Variants in LANCL2 observed in about 807,000 individuals in gnomAD.
LANCL2 encodes the protein LanC like glutathione S-transferase 2, also known as lanC-like protein 2.
A neutral mutation model predicts 56.9 loss-of-function variants in LANCL2; 33 were observed. The ratio of observed to expected loss-of-function variants is 0.58; its 90% CI spans 0.44 to 0.78. LANCL2 has a LOEUF of 0.78. LANCL2 is among the 30% of genes least tolerant of loss of function. LANCL2 has a pLI of 0.00. For missense variants in LANCL2, 562 were observed against 580.2 expected, an observed-to-expected ratio of 0.97 and a Z score of 0.32; for synonymous variants, 233 against 228.2, an observed-to-expected ratio of 1.02 and a Z score of -0.19.
At chr7:55,419,400 C>CTTTTT (rs1156534780) in intron 6 of LANCL2, among the ~76,000 whole-genome samples, 1 of 109,098 alleles carries the variant, frequency 9.2e-6, no homozygotes, top group Non-Finnish European at 1.9e-5. Flanking sequence ...TGTTCTTTTC[C>CTTTTT]TTTTTTTTTT....
chr7:55,412,423 G>A (rs1275174929), intron 6 of LANCL2, among the ~76,000 whole-genome samples: 1 of 152,158 alleles, frequency 6.6e-6, no homozygotes, highest in Non-Finnish European at 1.5e-5. Flanking sequence ...TAACCAAAGT[G>A]CTTTTTTGTT....
At chr7:55,417,837 C>T (rs754808949) in intron 6 of LANCL2, among the ~76,000 whole-genome samples, 4 of 152,088 alleles carry the variant, frequency 2.6e-5, no homozygotes, top group Non-Finnish European at 5.9e-5. Flanking sequence ...CACCACCATA[C>T]CCGGCTAGTT....
chr7:55,408,856 C>T (rs1167594555), intron 5 of LANCL2, among the ~76,000 whole-genome samples: 2 of 150,698 alleles, frequency 1.3e-5, no homozygotes. Flanking sequence ...GTGGCATGCG[C>T]CTGTAGTCCC....
rs1225988686 is a variant in LANCL2, at chr7:55,388,624, C to G, written c.205-3169C>G. Among the ~76,000 whole-genome samples, 3 of 152,198 alleles carry G rather than the reference C, an allele frequency of 2.0e-5. No individual in the cohort carries two copies. In the East Asian group the frequency reaches 5.8e-4, roughly 29 times the overall value. ...AGCCATTGCAAGGTGCAGGGCCAGT[C>G]CCTTTACTACTTTCCTTTATCCTTT... On this transcript the variant is annotated intron_variant, in intron 1 of 8. Coordinates refer to ENST00000254770, the MANE Select transcript of LANCL2 (RefSeq NM_018697.4).
chr7:55,399,609 C>T (rs1406637926), intron 3 of LANCL2, among the ~76,000 whole-genome samples: 1 of 152,158 alleles, frequency 6.6e-6, no homozygotes, highest in Non-Finnish European at 1.5e-5. Flanking sequence ...TCCCAAAGTG[C>T]TGGGATTATA....
Position 55,365,876 on chromosome 7 carries a change from C to T in LANCL2, c.-150C>T, listed in dbSNP as rs71547927. On this transcript the variant is annotated 5_prime_UTR_variant, in exon 1 of 9. Coordinates refer to ENST00000254770, the MANE Select transcript of LANCL2 (RefSeq NM_018697.4). The stretch of plus-strand genomic sequence containing the variant: ...GCAGCCCGCGACGAGGCAGTGCACG[C>T]TCAGACGCCCCGCTCCTCCCGCCAG... The T allele has an allele frequency of 3.6e-6, 2 of 554,112 alleles. No individual in the cohort carries two copies. Among genetic ancestry groups the T allele is most frequent in the South Asian group, 2.8e-5 (1 of 35,782 alleles). The allele number at this position is 554,112 out of a possible 1,614,324, so 34.3% of individuals were successfully genotyped here.
At position 55,365,955 on chromosome 7, in the gene LANCL2, G is replaced by A. The variant is rs1448339221; in HGVS notation, c.-71G>A. The A allele has an allele frequency of 3.3e-6, 4 of 1,228,642 alleles. No individual in the cohort carries two copies. In the East Asian group the frequency reaches 9.4e-5, roughly 29 times the overall value. 76.1% of individuals were successfully genotyped at this position (1,228,642 alleles called of 1,614,324 possible). A position where few individuals can be genotyped will look rare whatever the true frequency, so the allele number is the denominator to read the frequency against. On this transcript the variant is annotated 5_prime_UTR_variant, in exon 1 of 9. Coordinates refer to ENST00000254770, the MANE Select transcript of LANCL2 (RefSeq NM_018697.4). ...CTCTCTGCGCGGGCCCTCGGAGGAG[G>A]CGGCGGCGGGGCGAGCTGCAGCGCC...
chr7:55,388,225 G>A (rs1371333500), intron 1 of LANCL2, among the ~76,000 whole-genome samples: 1 of 152,118 alleles, frequency 6.6e-6, no homozygotes, highest in Non-Finnish European at 1.5e-5. Flanking sequence ...CTCGACCCCT[G>A]GATTGAACAG....
intron 6 of LANCL2, among the ~76,000 whole-genome samples, chr7:55,425,020 A>G (rs929406767): frequency 2.6e-5 from 4 of 152,222 alleles, no homozygotes; most frequent in Admixed American, 2.6e-4. Flanking sequence ...ATGGTTCCAC[A>G]AAACCAGTCA....
At chr7:55,391,683 A>C (rs1790192461) in intron 1 of LANCL2, 110 bp from the exon 2 acceptor site, 1 of 648,222 alleles carries the variant, frequency 1.5e-6, no homozygotes, top group African/African-American at 1.8e-5. Context: ...AGATGGTCCA[A>C]GGAAAGTAAC....
chr7:55,385,156 C>T (rs1790110449), intron 1 of LANCL2, among the ~76,000 whole-genome samples: 1 of 152,100 alleles, frequency 6.6e-6, no homozygotes. Context: ...CATTGCACTC[C>T]AGCCTGGGTG....
chr7:55,365,714 T>A lies in LANCL2; in HGVS notation c.-312T>A, dbSNP rs1212105934. On this transcript the variant is annotated 5_prime_UTR_variant, in exon 1 of 9. Coordinates refer to ENST00000254770, the MANE Select transcript of LANCL2 (RefSeq NM_018697.4). The stretch of plus-strand genomic sequence containing the variant: ...CGGGCTCTGCGGGCCACGGGGAAGG[T>A]GCGAGGAGGCGCGAGCAGGCTGTGA... 1 of 256,266 alleles carries A rather than the reference T, an allele frequency of 3.9e-6. No individual in the cohort carries two copies. Among genetic ancestry groups the A allele is most frequent in the East Asian group, 6.8e-5 (1 of 14,722 alleles). 15.9% of individuals were successfully genotyped at this position (256,266 alleles called of 1,614,324 possible). A position where few individuals can be genotyped will look rare whatever the true frequency, so the allele number is the denominator to read the frequency against.
chr7:55,416,795 A>G (rs1372799580), intron 6 of LANCL2, among the ~76,000 whole-genome samples: 1 of 151,802 alleles, frequency 6.6e-6, no homozygotes, highest in African/African-American at 2.4e-5. Flanking sequence ...TCTATTTTTC[A>G]ATGTTTTCTT....
intron 5 of LANCL2, among the ~76,000 whole-genome samples, chr7:55,407,611 G>A (rs918251409): frequency 2.0e-5 from 3 of 152,188 alleles, no homozygotes; most frequent in African/African-American, 7.2e-5. Flanking sequence ...CTGCCCCATA[G>A]GATGTGAGTG....
At chr7:55,423,755 T>C (rs1224064049) in intron 6 of LANCL2, among the ~76,000 whole-genome samples, 1 of 152,142 alleles carries the variant, frequency 6.6e-6, no homozygotes, top group Non-Finnish European at 1.5e-5. Flanking sequence ...GACATAGACT[T>C]TCAGTGACTT....
intron 1 of LANCL2, among the ~76,000 whole-genome samples, chr7:55,382,795 A>G (rs1464446961): frequency 3.3e-5 from 5 of 152,166 alleles, no homozygotes; most frequent in Non-Finnish European, 7.3e-5. Flanking sequence ...CCTGAAGAGC[A>G]ATTGGGGAGG....
intron 4 of LANCL2, 118 bp from the exon 5 acceptor site, chr7:55,401,056 A>G (rs1256805676): frequency 9.1e-6 from 6 of 661,696 alleles, no homozygotes; most frequent in Non-Finnish European, 1.4e-5. Context: ...AAAGACTTTT[A>G]GATTAAGGCT....
chr7:55,386,304 C>T (rs1404129201), intron 1 of LANCL2, among the ~76,000 whole-genome samples: 1 of 152,168 alleles, frequency 6.6e-6, no homozygotes, highest in Non-Finnish European at 1.5e-5. Context: ...TTAGAGGTTG[C>T]AGTAAAGACA....
At chr7:55,419,853 T>C (rs999464056) in intron 6 of LANCL2, among the ~76,000 whole-genome samples, 2 of 152,228 alleles carry the variant, frequency 1.3e-5, no homozygotes, top group Non-Finnish European at 2.9e-5. Context: ...TCTTTTCTTT[T>C]TAAAACTTCC....
Sources: allele counts gnomAD v4.1 joint callset (sites outside exome capture counted in the v4.1 genomes callset), GRCh38; gene constraint gnomAD v4.1.1; transcripts MANE v1.5; gene names NCBI Gene and HGNC (gene_info 2026-07-23, HGNC 2026-07-21).